The following PCDHGA5 variants were observed in gnomAD, a reference collection of about 807,000 sequenced individuals.
PCDHGA5 encodes protocadherin gamma-A5.
PCDHGA5 carries 36 observed loss-of-function variants against 56.7 expected under a neutral mutation model. The ratio of observed to expected loss-of-function variants is 0.64; its 90% confidence interval spans 0.49 to 0.84. The LOEUF (loss-of-function observed/expected upper bound fraction) is 0.84, where lower values mean the gene tolerates loss of function less well. Among genes scored for constraint, PCDHGA5 ranks in the 40% least tolerant of loss-of-function variants. The probability of loss-of-function intolerance (pLI) is 0.00; values close to 1 mark genes in which losing one functional copy is unlikely to be tolerated. For synonymous variants in PCDHGA5, 563 were observed against 520.2 expected (o/e 1.08, Z -1.12); for missense variants, 1,305 against 1,201.5 (o/e 1.09, Z -1.27).
At chr5:141,440,617 C>T (rs1469883341) in intron 1 of PCDHGA5, 1 of 152,168 alleles carries the variant, frequency 6.6e-6, no homozygotes, top group East Asian at 1.9e-4. Context: ...TGCAGAAGAT[C>T]CTGATGTTGA....
chr5:141,476,091 G>A lies in PCDHGA5; in HGVS notation c.2422-18716G>A. The A allele has an allele frequency of 2.6e-6, 4 of 1,563,192 alleles. No individual in the cohort carries two copies. The highest frequency in any genetic ancestry group is 3.5e-6 in the Non-Finnish European group (4 of 1,159,278). On this transcript the variant is annotated intron_variant, in intron 1 of 3. Transcript: ENST00000518069. The surrounding 1 kb of genome is among the most constrained non-coding windows in gnomAD (Gnocchi z 7.6). ...AAATCTCAGGGACGATCTGGACCCCGCTGAGAGGAACTGCTTTTGAGTGAG... is the reference window on the plus strand; with the variant it reads ...AAATCTCAGGGACGATCTGGACCCCACTGAGAGGAACTGCTTTTGAGTGAG...
chr5:141,417,525 C>G (rs1435259680), intron 1 of PCDHGA5: 1 of 272,692 alleles, frequency 3.7e-6, no homozygotes, highest in African/African-American at 2.2e-5. Flanking sequence ...GCTGTCAACT[C>G]GTAGTTTAAA....
rs144585584 is a variant in PCDHGA5 at position 141,478,339 on chromosome 5, C to T, written c.2422-16468C>T. 998 of 1,613,918 alleles carry T rather than the reference C, an allele frequency of 6.2e-4. 16 individuals carry two copies. In the East Asian group the frequency reaches 0.019, roughly 31 times the overall value. Reference sequence around the variant, plus strand: ...CACTGTACCGAACACCAGGGCCCTCCTTGCACGCGGACGCCGTGCGGGGAG... The same window carrying T: ...CACTGTACCGAACACCAGGGCCCTCTTTGCACGCGGACGCCGTGCGGGGAG... On this transcript the variant is annotated intron_variant, in intron 1 of 3. Transcript: ENST00000518069.
chr5:141,413,387 T>G (rs902208287), intron 1 of PCDHGA5: 1 of 1,613,908 alleles, frequency 6.2e-7, no homozygotes, highest in Non-Finnish European at 8.5e-7. Context: ...GTCCGCATAG[T>G]CTCCAGAGGT....
chr5:141,478,752 G>A (rs2099475483), intron 1 of PCDHGA5: 2 of 1,521,420 alleles, frequency 1.3e-6, no homozygotes, highest in South Asian at 1.3e-5. Context: ...CATTTCAGGG[G>A]GAAGATACTT....
At chr5:141,475,014 C>G (rs2099358221) in intron 1 of PCDHGA5, among the ~76,000 whole-genome samples, 1 of 152,202 alleles carries the variant, frequency 6.6e-6, no homozygotes, top group South Asian at 2.1e-4. Flanking sequence ...AAAGTTAAGG[C>G]TCTTTATTCT....
intron 1 of PCDHGA5, chr5:141,419,312 G>A (rs35892780): frequency 1.2e-6 from 2 of 1,613,962 alleles, no homozygotes; most frequent in South Asian, 2.2e-5. Context: ...CGGGCTCAAC[G>A]GCCGTGTCTC....
chr5:141,466,933 C>A (rs1305734739), intron 1 of PCDHGA5, among the ~76,000 whole-genome samples: 1 of 152,100 alleles, frequency 6.6e-6, no homozygotes, highest in Non-Finnish European at 1.5e-5. Context: ...GAATATTAGT[C>A]CTTTGTCCAG....
Position 141,476,447 on chromosome 5 carries a change from G to A in PCDHGA5, c.2422-18360G>A. 2 of 1,614,130 alleles carry A rather than the reference G, an allele frequency of 1.2e-6. No homozygotes were observed. The highest frequency in any genetic ancestry group is 1.7e-6 in the Non-Finnish European group (2 of 1,180,026). On this transcript the variant is annotated intron_variant, in intron 1 of 3. Transcript: ENST00000518069. This position sits in a 1 kb window ranked among gnomAD's most constrained non-coding sequence, Gnocchi z 7.6. ...CTCTTGCACTGTAACTCTGGAGTTGGTAGTGGAGAACCCGCTGGAGCTGTT... is the reference window on the plus strand; with the variant it reads ...CTCTTGCACTGTAACTCTGGAGTTGATAGTGGAGAACCCGCTGGAGCTGTT...
intron 1 of PCDHGA5, chr5:141,413,388 C>G (rs765673305): frequency 6.2e-7 from 1 of 1,613,894 alleles, no homozygotes; most frequent in African/African-American, 1.3e-5. Context: ...TCCGCATAGT[C>G]TCCAGAGGTA....
At chr5:141,424,717 T>G (rs914445969) in intron 1 of PCDHGA5, 1 of 152,202 alleles carries the variant, frequency 6.6e-6, no homozygotes, top group Non-Finnish European at 1.5e-5. Context: ...TCAGTGTAGT[T>G]GGGAGTCATA....
At chr5:141,441,890 T>C (rs967557692) in intron 1 of PCDHGA5, 18 of 348,170 alleles carry the variant, frequency 5.2e-5, no homozygotes, top group Non-Finnish European at 7.2e-5. Flanking sequence ...GTCACCAAGG[T>C]GGTGGCTGTA....
chr5:141,395,542 TTGTGTGTGTG>T lies in PCDHGA5; in HGVS notation c.2421+28831_2421+28840del, dbSNP rs55729045. 945 of 172,430 alleles carry T rather than the reference TTGTGTGTGTG, an allele frequency of 5.5e-3. 2 individuals carry two copies. The highest frequency in any genetic ancestry group is 0.011 in the African/African-American group (192 of 17,544). 10.7% of individuals were successfully genotyped at this position (172,430 alleles called of 1,614,324 possible). A position where few individuals can be genotyped will look rare whatever the true frequency, so the allele number is the denominator to read the frequency against. On this transcript the variant is annotated intron_variant, in intron 1 of 3. Coordinates refer to ENST00000518069, the MANE Select transcript of PCDHGA5 (RefSeq NM_018918.3). ...TCCATACTGGTAATTTTGCTATTGT[TTGTGTGTGTG>T]TGTGTGTGTGTGTGTGTGTGTGTGT...
chr5:141,487,670 T>A lies in PCDHGA5; in HGVS notation c.2422-7137T>A. The A allele has an allele frequency of 6.2e-7, 1 of 1,612,302 alleles. No homozygotes were observed. Among genetic ancestry groups the A allele is most frequent in the Non-Finnish European group, 8.5e-7 (1 of 1,179,082 alleles). ...TGAGGGTTATTCTGATCCAGGCATA[T>A]GGCTAGGCCATGTCCTAGAGAGTAC... On this transcript the variant is annotated intron_variant, in intron 1 of 3. Transcript: ENST00000518069. This position sits in a 1 kb window ranked among gnomAD's most constrained non-coding sequence, Gnocchi z 5.0.
chr5:141,408,527 G>T lies in PCDHGA5; in HGVS notation c.2421+41776G>T, dbSNP rs1239443007. ...AAGATGTGAGTTGCAATTGGAAGCT[G>T]TGGTGGAAAATCCTTTAAATATTTT... On this transcript the variant is annotated intron_variant, in intron 1 of 3. Coordinates refer to ENST00000518069, the MANE Select transcript of PCDHGA5 (RefSeq NM_018918.3). 2.5e-6 allele frequency: 4 copies of T among 1,613,954 alleles called. No homozygotes were observed. The African/African-American group carries it at 5.3e-5, about 22-fold the overall frequency.
chr5:141,487,783 G>T lies in PCDHGA5; in HGVS notation c.2422-7024G>T. The T allele has an allele frequency of 6.6e-7, 1 of 1,522,846 alleles. No homozygotes were observed. The allele number at this position is 1,522,846 out of a possible 1,614,324, so 94.3% of individuals were successfully genotyped here. ...ACGCTGTGCTTTGTAACTGTTTCGT[G>T]AATTAACCAGAGTTGTCACAGTTTA... is the stretch of plus-strand genomic sequence containing the variant. On this transcript the variant is annotated intron_variant, in intron 1 of 3. Transcript: ENST00000518069. The surrounding 1 kb of genome is among the most constrained non-coding windows in gnomAD (Gnocchi z 5.0).
Position 141,365,333 on chromosome 5 carries a change from G to A in PCDHGA5, c.1003G>A (p.Val335Ile). ...GALVASAKVVVTVQDVNDNAP... is the reference protein window; with the variant it reads ...GALVASAKVVITVQDVNDNAP... ...TCTTGTTGCCAGCGCTAAGGTGGTG[G>A]TCACAGTACAGGACGTGAATGACAA... Residue 335 changes from valine (V) to isoleucine (I), a missense_variant, in exon 1 of 4, where the codon GTC (valine) becomes ATC (isoleucine). Transcript: ENST00000518069. 2 of 1,613,942 alleles carry A rather than the reference G, an allele frequency of 1.2e-6. No homozygotes were observed. Among genetic ancestry groups the A allele is most frequent in the East Asian group, 2.2e-5 (1 of 44,874 alleles).
chr5:141,380,578 G>A (rs532519748), intron 1 of PCDHGA5, among the ~76,000 whole-genome samples: 19 of 152,144 alleles, frequency 1.2e-4, no homozygotes, highest in African/African-American at 3.4e-4. Flanking sequence ...ATATCTTGGC[G>A]GTCTAGTAAA....
At chr5:141,412,980 A>G (rs2095595071) in intron 1 of PCDHGA5, 2 of 543,674 alleles carry the variant, frequency 3.7e-6, no homozygotes, top group Non-Finnish European at 6.3e-6. Flanking sequence ...AAACGCAGCC[A>G]GAGCTCAATC....
Sources: allele counts gnomAD v4.1 joint callset (sites outside exome capture counted in the v4.1 genomes callset), GRCh38; gene constraint gnomAD v4.1.1; non-coding constraint Gnocchi (gnomAD v3.1); transcripts MANE v1.5; gene names NCBI Gene and HGNC (gene_info 2026-07-23, HGNC 2026-07-21).